ACER1: variants seen among roughly 807,000 people sequenced by gnomAD.
ACER1 encodes the protein alkaline ceramidase 1, also known as CTB-180A7.3.
A neutral mutation model predicts 24.9 loss-of-function variants in ACER1; 28 were observed. The ratio of observed to expected loss-of-function variants is 1.13; its 90% CI spans 0.83 to 1.54. The LOEUF (loss-of-function observed/expected upper bound fraction) is 1.54. ACER1 is among the 40% of genes most tolerant of loss of function. The pLI is 0.00. For missense variants in ACER1, 352 were observed against 349.3 expected (o/e 1.01, Z -0.06); for synonymous variants, 132 against 131.4 (o/e 1.00, Z -0.03).
chr19:6,319,021 A>T (rs532700367), intron 1 of ACER1, among the ~76,000 whole-genome samples: 1 of 151,890 alleles, frequency 6.6e-6, no homozygotes, highest in African/African-American at 2.4e-5. Context: ...GATGCGGGCC[A>T]TGCACAAGAT....
chr19:6,321,803 G>C (rs1222000711), intron 1 of ACER1, among the ~76,000 whole-genome samples: 4 of 152,064 alleles, frequency 2.6e-5, no homozygotes, highest in African/African-American at 7.2e-5. Context: ...GTAGAGACGG[G>C]GTTTCACCAT....
intron 1 of ACER1, among the ~76,000 whole-genome samples, chr19:6,318,145 C>T (rs561286531): frequency 6.6e-6 from 1 of 151,350 alleles, no homozygotes; most frequent in Non-Finnish European, 1.5e-5. Flanking sequence ...CACGGTGAAA[C>T]CCCGTCCTAA....
chr19:6,359,454 G>A, the ACER1 span, among the ~76,000 whole-genome samples: 2 of 151,768 alleles, frequency 1.3e-5, no homozygotes, highest in Admixed American at 1.3e-4. Flanking sequence ...AAGTAGCTGG[G>A]ATTACAGGCA....
intron 1 of ACER1, among the ~76,000 whole-genome samples, chr19:6,326,406 G>A (rs949385704): frequency 2.0e-5 from 3 of 151,974 alleles, no homozygotes; most frequent in African/African-American, 4.8e-5. Flanking sequence ...GATTACAGGC[G>A]TGAGCCACTG....
At position 6,332,266 on chromosome 19, in the gene ACER1, C is replaced by CTTTTT. The variant is rs1199664621; in HGVS notation, c.93+1188_93+1192dup. On this transcript the variant is annotated intron_variant, in intron 1 of 5. Coordinates refer to ENST00000301452, the MANE Select transcript of ACER1 (RefSeq NM_133492.3). ...ACAGGCGTGAGCCTCCGCGCCCGGC[C>CTTTTT]TTTTTTTTTTTTTTTTTTTTTTGAG... is the stretch of plus-strand genomic sequence containing the variant. Among the ~76,000 whole-genome samples the CTTTTT allele has an allele frequency of 3.2e-4, 32 of 99,786 alleles. 1 individual carries two copies. The highest frequency in any genetic ancestry group is 4.5e-4 in the Non-Finnish European group (24 of 53,864). 65.5% of individuals were successfully genotyped at this position (99,786 alleles called of 152,430 possible).
the ACER1 span, among the ~76,000 whole-genome samples, chr19:6,343,346 C>T: frequency 6.6e-6 from 1 of 152,156 alleles, no homozygotes; most frequent in Non-Finnish European, 1.5e-5. Context: ...AGGCCCCTTC[C>T]TTCCTTCTCA....
intron 1 of ACER1, among the ~76,000 whole-genome samples, chr19:6,331,515 C>T (rs1322253286): frequency 6.7e-6 from 1 of 149,580 alleles, no homozygotes; most frequent in Admixed American, 6.7e-5. Context: ...ACTACGAGGC[C>T]GGGCGCCGTG....
At chr19:6,359,653 GAA>G in the ACER1 span, among the ~76,000 whole-genome samples, 1 of 151,182 alleles carries the variant, frequency 6.6e-6, no homozygotes, top group Non-Finnish European at 1.5e-5. Flanking sequence ...ACTGCCCCGG[GAA>G]AAAAAAGAAA....
chr19:6,333,231 C>G (rs61222524), intron 1 of ACER1, among the ~76,000 whole-genome samples: 7,962 of 152,152 alleles, frequency 0.052, 441 homozygotes, highest in African/African-American at 0.14. Flanking sequence ...AGGCAGAGAC[C>G]GGTTCTTTTC....
At chr19:6,357,614 A>C in the ACER1 span, among the ~76,000 whole-genome samples, 2 of 151,868 alleles carry the variant, frequency 1.3e-5, no homozygotes, top group Non-Finnish European at 2.9e-5. Context: ...TCTACTAAAA[A>C]TACAAAACTT....
chr19:6,313,646 T>C (rs1250598905), intron 1 of ACER1, among the ~76,000 whole-genome samples: 1 of 152,146 alleles, frequency 6.6e-6, no homozygotes, highest in Non-Finnish European at 1.5e-5. Context: ...TGGGCTGAAA[T>C]GTGGCCATGG....
intron 4 of ACER1, 125 bp from the exon 5 acceptor site, chr19:6,307,415 A>C (rs2091557753): frequency 8.8e-7 from 1 of 1,136,154 alleles, no homozygotes; most frequent in Admixed American, 2.6e-5. Context: ...GCAGGAATTG[A>C]GGGTGCAAGC....
At chr19:6,327,378 A>C (rs973820935) in intron 1 of ACER1, among the ~76,000 whole-genome samples, 12 of 152,074 alleles carry the variant, frequency 7.9e-5, no homozygotes, top group Admixed American at 3.9e-4. Context: ...ATCCTGGCTA[A>C]CACGGTGAAA....
At position 6,332,596 on chromosome 19, in the gene ACER1, C is replaced by T. The variant is rs535650388; in HGVS notation, c.93+863G>A. Among the ~76,000 whole-genome samples, 216 of 152,048 alleles carry T rather than the reference C, an allele frequency of 1.4e-3. 1 individual carries two copies. Among genetic ancestry groups the T allele is most frequent in the African/African-American group, 5.0e-3 (209 of 41,470 alleles). ...TACATCCATGATTTTTTAGCACTTC[C>T]CATGTGGTGTTTTAACAGGGAAAGA... On this transcript the variant is annotated intron_variant, in intron 1 of 5. Transcript: ENST00000301452.
chr19:6,346,519 C>CT, the ACER1 span, among the ~76,000 whole-genome samples: 2,423 of 130,776 alleles, frequency 0.019, 46 homozygotes, highest in African/African-American at 0.048. Flanking sequence ...TTTTTCTTTT[C>CT]TTTTTTTTTT....
chr19:6,336,758 A>G (rs2091715600), upstream of ACER1, among the ~76,000 whole-genome samples: 1 of 144,954 alleles, frequency 6.9e-6, no homozygotes, highest in Non-Finnish European at 1.5e-5. Context: ...AGGTGGAGGT[A>G]GTAGTGAGCC....
At position 6,306,749 on chromosome 19, in the gene ACER1, A is replaced by G. The variant is rs772123396; in HGVS notation, c.760T>C (p.Tyr254His). 6.2e-7 allele frequency: 1 copy of G among 1,613,470 alleles called. No homozygotes were observed. Among genetic ancestry groups the G allele is most frequent in the South Asian group, 1.1e-5 (1 of 91,032 alleles). The change falls in exon 6 of 6, where the codon TAC becomes CAC. Residue 254 changes from tyrosine (Y) to histidine (H), a missense_variant. By Grantham distance (83) the Tyr-to-His change is moderately conservative. Coordinates refer to ENST00000301452, the MANE Select transcript of ACER1 (RefSeq NM_133492.3). ...PRDSWPVGLPYVEIRGDDKDC is the reference protein window; with the variant it reads ...PRDSWPVGLPHVEIRGDDKDC ...TTGTCATCACCCCGGATTTCCACGTAGGGCAGCCCCACGGGCCAACTGTCC... is the reference window on the plus strand; with the variant it reads ...TTGTCATCACCCCGGATTTCCACGTGGGGCAGCCCCACGGGCCAACTGTCC...
the ACER1 span, among the ~76,000 whole-genome samples, chr19:6,339,716 G>A: frequency 6.6e-6 from 1 of 152,130 alleles, no homozygotes; most frequent in East Asian, 1.9e-4. Flanking sequence ...TGCCCAGGCT[G>A]GAGTGCAGTG....
intron 1 of ACER1, among the ~76,000 whole-genome samples, chr19:6,330,424 T>C (rs1347695970): frequency 1.3e-5 from 2 of 150,300 alleles, no homozygotes; most frequent in Admixed American, 1.3e-4. Context: ...TGCCTCGGCC[T>C]CCCAAAGTGC....
Sources: gnomAD v4.1 joint callset for allele counts (sites outside exome capture counted in the v4.1 genomes callset) on GRCh38, gnomAD v4.1.1 for gene constraint, MANE v1.5 for transcripts, NCBI Gene and HGNC (gene_info 2026-07-23, HGNC 2026-07-21) for gene names.